Variants in DAB1 observed in about 807,000 individuals in gnomAD.
DAB1 encodes disabled homolog 1.
A neutral mutation model predicts 64.6 loss-of-function variants in DAB1; 15 were observed. The observed-to-expected ratio is 0.23, with a 90% CI of 0.16 to 0.36. The LOEUF (loss-of-function observed/expected upper bound fraction) is 0.36, where lower values mean the gene tolerates loss of function less well. Among genes scored for constraint, DAB1 ranks in the 10% least tolerant of loss-of-function variants. The pLI, the probability that DAB1 is intolerant of heterozygous loss-of-function variation, is 1.00. For missense variants in DAB1, 596 were observed against 706.7 expected, an observed-to-expected ratio of 0.84 and a Z score of 1.78; for synonymous variants, 235 against 251.9, an observed-to-expected ratio of 0.93 and a Z score of 0.64.
chr1:58,036,588 T>C (rs371617064), intron 5 of DAB1, among the ~76,000 whole-genome samples: 6 of 152,240 alleles, frequency 3.9e-5, no homozygotes, highest in Admixed American at 3.3e-4. Context: ...AACAGTAGTA[T>C]TGCAATTCTA....
intron 10 of DAB1, among the ~76,000 whole-genome samples, chr1:57,024,390 A>C (rs577861303): frequency 1.3e-5 from 2 of 152,296 alleles, no homozygotes; most frequent in South Asian, 4.1e-4. Context: ...AATTTTGTAT[A>C]TGTCCACACC....
chr1:58,049,900 G>T (rs566710265), intron 5 of DAB1, among the ~76,000 whole-genome samples: 6 of 144,742 alleles, frequency 4.1e-5, no homozygotes, highest in East Asian at 2.0e-4. Flanking sequence ...GGTAGGGAAA[G>T]AAATTATTTT....
chr1:58,178,723 G>A (rs192130847), intron 4 of DAB1, among the ~76,000 whole-genome samples: 131 of 152,108 alleles, frequency 8.6e-4, no homozygotes, highest in Admixed American at 2.0e-3. Context: ...TTTGTTTTCT[G>A]CTTCTCTGTT....
At chr1:57,752,081 C>A (rs1046350378) in intron 6 of DAB1, among the ~76,000 whole-genome samples, 1 of 152,208 alleles carries the variant, frequency 6.6e-6, no homozygotes, top group Non-Finnish European at 1.5e-5. Context: ...GTAGCAATTG[C>A]TCACAAAGAG....
chr1:57,264,012 A>T (rs189473410), intron 2 of DAB1, among the ~76,000 whole-genome samples: 3 of 152,226 alleles, frequency 2.0e-5, no homozygotes, highest in Admixed American at 1.3e-4. Context: ...GTATGGAAGG[A>T]TGGCCTCTTT....
At chr1:57,963,721 T>C (rs981920129) in intron 5 of DAB1, among the ~76,000 whole-genome samples, 2 of 151,986 alleles carry the variant, frequency 1.3e-5, no homozygotes, top group Non-Finnish European at 2.9e-5. Flanking sequence ...AATCATCCCC[T>C]GGGAAGAGGT....
chr1:58,199,060 T>C (rs1323350537), intron 4 of DAB1, among the ~76,000 whole-genome samples: 1 of 152,108 alleles, frequency 6.6e-6, no homozygotes, highest in Non-Finnish European at 1.5e-5. Context: ...TGAGCCAAGA[T>C]TGCACCACTG....
chr1:57,271,599 G>C (rs1671006579), intron 2 of DAB1, among the ~76,000 whole-genome samples: 1 of 152,202 alleles, frequency 6.6e-6, no homozygotes, highest in Non-Finnish European at 1.5e-5. Context: ...TGGTCTGGTA[G>C]AGAGACAGAC....
chr1:57,609,654 T>C (rs1645702317), intron 7 of DAB1, among the ~76,000 whole-genome samples: 1 of 152,248 alleles, frequency 6.6e-6, no homozygotes, highest in Non-Finnish European at 1.5e-5. Context: ...AGTCGCTGGT[T>C]TTTTAAGATT....
At chr1:57,343,308 G>C (rs180810984) in intron 1 of DAB1, among the ~76,000 whole-genome samples, 1 of 152,172 alleles carries the variant, frequency 6.6e-6, no homozygotes, top group Non-Finnish European at 1.5e-5. Flanking sequence ...ATAGAGCGCC[G>C]ATTGGTATAT....
chr1:57,834,970 C>T (rs1404573743), intron 1 of DAB1, among the ~76,000 whole-genome samples: 2 of 152,050 alleles, frequency 1.3e-5, no homozygotes, highest in Non-Finnish European at 2.9e-5. Context: ...GGTCTGGGTT[C>T]TCCATACAGA....
intron 6 of DAB1, among the ~76,000 whole-genome samples, chr1:57,712,446 TA>T (rs927671824): frequency 6.6e-6 from 1 of 152,230 alleles, no homozygotes; most frequent in Non-Finnish European, 1.5e-5. Flanking sequence ...TTTTGTAACA[TA>T]CTTTTTGGGA....
chr1:58,481,038 A>G lies in DAB1; in HGVS notation n.257+25022T>C, dbSNP rs145496193. 6.1e-5 allele frequency: 53 copies of G among 871,866 alleles called. No individual in the cohort carries two copies. In the African/African-American group the frequency reaches 8.3e-4, roughly 14 times the overall value. The allele number at this position is 871,866 out of a possible 1,614,324, so 54.0% of individuals were successfully genotyped here. On this transcript the variant is annotated intron_variant and non_coding_transcript_variant, in intron 3 of 20. Transcript: ENST00000485760. ...CTGTTTTTGAATAGGAAGAGTATCC[A>G]TTTTCTGTTTCTTCGTGATATTTAG... is the stretch of plus-strand genomic sequence containing the variant.
chr1:57,534,126 G>C (rs1644697639), intron 7 of DAB1, among the ~76,000 whole-genome samples: 1 of 151,984 alleles, frequency 6.6e-6, no homozygotes, highest in African/African-American at 2.4e-5. Flanking sequence ...TCCAGATTTG[G>C]GTAATATAAT....
chr1:58,094,581 A>G (rs1186537076), intron 5 of DAB1, among the ~76,000 whole-genome samples: 1 of 152,244 alleles, frequency 6.6e-6, no homozygotes, highest in African/African-American at 2.4e-5. Flanking sequence ...AAGTGAAGTT[A>G]AACGTAGTAT....
At chr1:58,004,091 A>G (rs1264855921) in intron 5 of DAB1, among the ~76,000 whole-genome samples, 3 of 152,202 alleles carry the variant, frequency 2.0e-5, no homozygotes, top group Non-Finnish European at 4.4e-5. Flanking sequence ...AGAACCAAGG[A>G]GCTCAGAGAA....
chr1:57,424,039 G>C lies in DAB1; in HGVS notation c.-246C>G, dbSNP rs1004569327. The C allele has an allele frequency of 2.6e-5, 4 of 152,270 alleles. No individual in the cohort carries two copies. The highest frequency in any genetic ancestry group is 7.2e-5 in the African/African-American group (3 of 41,390). The allele number at this position is 152,270 out of a possible 1,614,324, so 9.4% of individuals were successfully genotyped here. A position where few individuals can be genotyped will look rare whatever the true frequency, so the allele number is the denominator to read the frequency against. On this transcript the variant is annotated 5_prime_UTR_variant, in exon 1 of 15. Coordinates refer to ENST00000371236, the MANE Select transcript of DAB1 (RefSeq NM_001365792.1). ...CGCGCTCTGCAGCCCGGGGAAGCCCGGGCGAGCGCCGAGCTGGGTCCATCC... is the reference window on the plus strand; with the variant it reads ...CGCGCTCTGCAGCCCGGGGAAGCCCCGGCGAGCGCCGAGCTGGGTCCATCC...
At chr1:57,151,925 C>T (rs568386389) in intron 2 of DAB1, among the ~76,000 whole-genome samples, 16 of 151,168 alleles carry the variant, frequency 1.1e-4, no homozygotes, top group African/African-American at 3.2e-4. Context: ...GCGATTCTCC[C>T]GCCTCAGCCT....
At chr1:58,416,613 T>C (rs1644723867) in intron 3 of DAB1, among the ~76,000 whole-genome samples, 1 of 152,244 alleles carries the variant, frequency 6.6e-6, no homozygotes, top group Non-Finnish European at 1.5e-5. Flanking sequence ...TTAAAACTAA[T>C]ACTCAAGTTG....
Sources: gnomAD v4.1 joint callset for allele counts (sites outside exome capture counted in the v4.1 genomes callset) on GRCh38, gnomAD v4.1.1 for gene constraint, MANE v1.5 for transcripts, NCBI Gene and HGNC (gene_info 2026-07-23, HGNC 2026-07-21) for gene names.